The following DHX15 variants were observed in gnomAD, a reference collection of about 807,000 sequenced individuals.
DHX15 encodes the protein DEAH-box helicase 15, also known as ATP-dependent RNA helicase DHX15.
Under a neutral mutation model 94.4 loss-of-function variants are expected in DHX15, and 11 were observed. The observed-to-expected ratio is 0.12, with a 90% CI of 0.07 to 0.19. The LOEUF (loss-of-function observed/expected upper bound fraction) is 0.19, where lower values mean the gene tolerates loss of function less well. DHX15 is among the 10% of genes least tolerant of loss of function. The pLI, the probability that DHX15 is intolerant of heterozygous loss-of-function variation, is 1.00. For missense variants in DHX15, 304 were observed against 988.5 expected, an observed-to-expected ratio of 0.31 and a Z score of 9.29; for synonymous variants, 338 against 329.9, an observed-to-expected ratio of 1.02 and a Z score of -0.27.
rs1721522650 is a variant in DHX15, at chr4:24,548,872, C to T, written c.1231G>A (p.Gly411Arg). 6.2e-7 allele frequency: 1 copy of T among 1,612,022 alleles called. No homozygotes were observed. Among genetic ancestry groups the T allele is most frequent in the Non-Finnish European group, 8.5e-7 (1 of 1,179,042 alleles). ...FEPPPPKKQNGAIGRKVVVST... is the reference protein window; with the variant it reads ...FEPPPPKKQNRAIGRKVVVST... ...AATGTTACCTTTCTTCCAATTGCTC[C>T]ATTCTGTTTTTTGGGAGGTGGAGGC... The change falls in exon 6 of 14, where the codon GGA (glycine) becomes AGA (arginine). Residue 411 changes from glycine to arginine, a missense_variant. By Grantham distance (125) the Gly-to-Arg change is moderately radical. This residue lies in a region of DHX15 where 40 missense variants were observed against 107.1 expected (regional missense o/e 0.37). Coordinates refer to ENST00000336812, the MANE Select transcript of DHX15 (RefSeq NM_001358.3).
Position 24,529,648 on chromosome 4 carries a change from T to C in DHX15, c.2223A>G (p.Leu741=), listed in dbSNP as rs755715806. ...PEWVLYNEFV[L]TTKNYIRTCT... ...ATGTCCGGATGTAATTCTTTGTTGT[T>C]AGAACAAACTCATTATAAAGCACCC... is the stretch of plus-strand genomic sequence containing the variant. Residue 741 remains leucine (L), a synonymous_variant, in exon 13 of 14, where the codon CTA becomes CTG. Coordinates refer to ENST00000336812, the MANE Select transcript of DHX15 (RefSeq NM_001358.3). The C allele has an allele frequency of 2.5e-6, 4 of 1,614,210 alleles. No homozygotes were observed. In the South Asian group the frequency reaches 4.4e-5, roughly 18 times the overall value.
intron 6 of DHX15, among the ~76,000 whole-genome samples, chr4:24,547,920 TATATATATA>T (rs1560765803): frequency 1.9e-5 from 1 of 52,770 alleles, no homozygotes; most frequent in East Asian, 5.7e-4. Flanking sequence ...TATATATATA[TATATATATA>T]TATATATATA....
intron 6 of DHX15, among the ~76,000 whole-genome samples, chr4:24,544,385 G>C (rs1026511299): frequency 6.6e-6 from 1 of 152,076 alleles, no homozygotes; most frequent in Non-Finnish European, 1.5e-5. Flanking sequence ...TACCAAGAGG[G>C]TATTTCAGAA....
chr4:24,547,721 AG>A (rs1025997580), intron 6 of DHX15, among the ~76,000 whole-genome samples: 20 of 151,316 alleles, frequency 1.3e-4, no homozygotes, highest in African/African-American at 3.6e-4. Context: ...GAGGCCCAGG[AG>A]GGGGGACTGA....
At chr4:24,533,990 A>C (rs544725496) in intron 11 of DHX15, 1 of 152,344 alleles carries the variant, frequency 6.6e-6, no homozygotes, top group Admixed American at 6.5e-5. Context: ...ACTCTGCCTT[A>C]ATGTTTTTTA....
intron 12 of DHX15, among the ~76,000 whole-genome samples, chr4:24,531,686 T>C (rs1333444043): frequency 6.6e-6 from 1 of 151,946 alleles, no homozygotes; most frequent in Non-Finnish European, 1.5e-5. Flanking sequence ...ACCACTGCAC[T>C]CCAGCCTGGG....
chr4:24,556,192 C>T, intron 4 of DHX15, 59 bp downstream of exon 4: 1 of 1,463,124 alleles, frequency 6.8e-7, no homozygotes, highest in Non-Finnish European at 9.4e-7. Flanking sequence ...TATGTATTCC[C>T]CATTTTTATG....
At chr4:24,531,756 A>T (rs559262136) in intron 12 of DHX15, among the ~76,000 whole-genome samples, 1 of 152,174 alleles carries the variant, frequency 6.6e-6, no homozygotes, top group Non-Finnish European at 1.5e-5. Context: ...GAACATGTCA[A>T]AGAGAAGCCA....
At chr4:24,574,352 TGAAA>T (rs895797654) in intron 2 of DHX15, among the ~76,000 whole-genome samples, 17 of 152,128 alleles carry the variant, frequency 1.1e-4, no homozygotes, top group Non-Finnish European at 2.5e-4. Flanking sequence ...AACATTTGAA[TGAAA>T]TTCACTTTTT....
rs574521511 is a variant in DHX15 at position 24,557,516 on chromosome 4, AAAAG to A, written c.702-1110_702-1107del. ...TTCAGCAAATTGATAGTGTACAACA[AAAAG>A]AAGTGAATTCTCTTTATTTCACCTA... On this transcript the variant is annotated intron_variant, in intron 3 of 13. Transcript: ENST00000336812. 4.1e-3 allele frequency among the ~76,000 whole-genome samples: 620 copies of A among 152,258 alleles called. 6 individuals carry two copies. The highest frequency in any genetic ancestry group is 6.2e-3 in the Admixed American group (95 of 15,286).
rs563039647 is a variant in DHX15, at chr4:24,550,043, G to A, written c.1081-1021C>T. Among the ~76,000 whole-genome samples, 439 of 126,746 alleles carry A rather than the reference G, an allele frequency of 3.5e-3. 3 individuals carry two copies. Among genetic ancestry groups the A allele is most frequent in the African/African-American group, 0.013 (427 of 32,922 alleles). The allele number at this position is 126,746 out of a possible 152,430, so 83.2% of individuals were successfully genotyped here. A position where few individuals can be genotyped will look rare whatever the true frequency, so the allele number is the denominator to read the frequency against. On this transcript the variant is annotated intron_variant, in intron 5 of 13. Transcript: ENST00000336812. ...GGGACGCAGGAGGTTGCAATAAGCC[G>A]AGATTGCACCATTGCACTCCAGCCT...
At chr4:24,572,892 T>A (rs1255997033) in intron 2 of DHX15, among the ~76,000 whole-genome samples, 3 of 152,100 alleles carry the variant, frequency 2.0e-5, no homozygotes, top group African/African-American at 2.4e-5. Context: ...ACTGGTGTAT[T>A]CAAGCCAGGG....
chr4:24,581,688 G>GA (rs1474452562), intron 1 of DHX15, among the ~76,000 whole-genome samples: 3 of 151,386 alleles, frequency 2.0e-5, no homozygotes, highest in Non-Finnish European at 4.4e-5. Context: ...ATAATTAACA[G>GA]AAAAAACTCT....
chr4:24,546,810 A>G (rs1239513933), intron 6 of DHX15, among the ~76,000 whole-genome samples: 1 of 152,210 alleles, frequency 6.6e-6, no homozygotes, highest in African/African-American at 2.4e-5. Context: ...TTTGATGGAA[A>G]TTAAAATTTG....
At chr4:24,555,795 G>T (rs919365763) in intron 4 of DHX15, among the ~76,000 whole-genome samples, 1 of 152,122 alleles carries the variant, frequency 6.6e-6, no homozygotes, top group African/African-American at 2.4e-5. Context: ...GAGGAAAGAA[G>T]TAATACACGA....
intron 6 of DHX15, among the ~76,000 whole-genome samples, chr4:24,546,425 A>C (rs1274989328): frequency 2.0e-5 from 3 of 152,226 alleles, no homozygotes; most frequent in Admixed American, 1.3e-4. Flanking sequence ...TTTTAATAAC[A>C]ACCAAATCCA....
intron 1 of DHX15, among the ~76,000 whole-genome samples, chr4:24,577,538 C>A (rs1296459672): frequency 2.0e-5 from 3 of 152,042 alleles, no homozygotes; most frequent in Admixed American, 1.3e-4. Flanking sequence ...GAAACATAGC[C>A]AAATTAAAAA....
At chr4:24,551,205 T>G (rs541670290) in intron 5 of DHX15, among the ~76,000 whole-genome samples, 2 of 152,342 alleles carry the variant, frequency 1.3e-5, no homozygotes, top group South Asian at 4.1e-4. Flanking sequence ...TTTATTGAAG[T>G]ATTAATTCAA....
intron 11 of DHX15, 62 bp downstream of exon 11, chr4:24,536,989 A>AAC: frequency 6.7e-7 from 1 of 1,491,674 alleles, no homozygotes; most frequent in Non-Finnish European, 9.0e-7. Context: ...GGGACAAAGA[A>AAC]ACATCTTATA....
Sources: gnomAD v4.1 joint callset for allele counts (sites outside exome capture counted in the v4.1 genomes callset) on GRCh38, gnomAD v4.1.1 for gene constraint, gnomAD v4.1.1 regional missense constraint, MANE v1.5 for transcripts, NCBI Gene and HGNC (gene_info 2026-07-23, HGNC 2026-07-21) for gene names.